Variants in ADGRL3 observed in about 807,000 individuals in gnomAD.
The protein encoded by ADGRL3 is adhesion G protein-coupled receptor L3, also known as calcium-independent alpha-latrotoxin receptor 3.
A neutral mutation model predicts 153.5 loss-of-function variants in ADGRL3; 62 were observed. The ratio of observed to expected loss-of-function variants is 0.40; its 90% CI spans 0.33 to 0.50. The LOEUF (loss-of-function observed/expected upper bound fraction) is 0.50. Among genes scored for constraint, ADGRL3 ranks in the 20% least tolerant of loss-of-function variants. The pLI, the probability that ADGRL3 is intolerant of heterozygous loss-of-function variation, is 0.47. For synonymous variants in ADGRL3, 710 were observed against 672.5 expected (o/e 1.06, Z -0.86); for missense variants, 1,641 against 1,859.4 (o/e 0.88, Z 2.16).
At chr4:61,672,893 G>C (rs900511626) in intron 5 of ADGRL3, among the ~76,000 whole-genome samples, 38 of 152,026 alleles carry the variant, frequency 2.5e-4, no homozygotes, top group African/African-American at 8.9e-4. Context: ...TTGCAGTACT[G>C]TTCACAATAA....
intron 1 of ADGRL3, among the ~76,000 whole-genome samples, chr4:61,258,814 C>G (rs2092250306): frequency 6.6e-6 from 1 of 152,096 alleles, no homozygotes; most frequent in Non-Finnish European, 1.5e-5. Flanking sequence ...AATCACTTCA[C>G]TCATATATAT....
chr4:61,600,884 A>G (rs575295329), intron 5 of ADGRL3, among the ~76,000 whole-genome samples: 2 of 152,304 alleles, frequency 1.3e-5, no homozygotes, highest in South Asian at 4.1e-4. Flanking sequence ...TTGCCCATTG[A>G]TATTTAATTA....
intron 1 of ADGRL3, among the ~76,000 whole-genome samples, chr4:61,230,107 G>A (rs1171483505): frequency 6.6e-6 from 1 of 152,036 alleles, no homozygotes; most frequent in Non-Finnish European, 1.5e-5. Flanking sequence ...AAGGGTGTCT[G>A]GAAAGCAAGT....
intron 2 of ADGRL3, among the ~76,000 whole-genome samples, chr4:61,393,264 G>C (rs896433571): frequency 2.0e-5 from 3 of 152,076 alleles, no homozygotes; most frequent in Non-Finnish European, 2.9e-5. Context: ...AGTATACTCT[G>C]TCAGAAGTCA....
chr4:62,068,271 A>T, intron 26 of ADGRL3, 88 bp downstream of exon 26: 2 of 1,214,920 alleles, frequency 1.6e-6, no homozygotes, highest in Non-Finnish European at 2.3e-6. Flanking sequence ...TGTAGTTATT[A>T]AAAACAGTTC....
At chr4:61,971,786 G>C (rs1433443642) in intron 17 of ADGRL3, among the ~76,000 whole-genome samples, 1 of 152,096 alleles carries the variant, frequency 6.6e-6, no homozygotes, top group Non-Finnish European at 1.5e-5. Context: ...AGTGTAAAAT[G>C]TTCCTATTTC....
intron 2 of ADGRL3, among the ~76,000 whole-genome samples, chr4:61,495,237 A>T (rs1283045669): frequency 6.6e-6 from 1 of 152,288 alleles, no homozygotes; most frequent in African/African-American, 2.4e-5. Flanking sequence ...ATATCAAAAC[A>T]TCTGATAAAT....
chr4:61,274,793 G>A (rs2093382314), intron 1 of ADGRL3, among the ~76,000 whole-genome samples: 1 of 152,060 alleles, frequency 6.6e-6, no homozygotes, highest in South Asian at 2.1e-4. Flanking sequence ...AAACTGCTTG[G>A]TGTGGTGGTG....
At chr4:61,771,446 A>G (rs1396980768) in intron 8 of ADGRL3, among the ~76,000 whole-genome samples, 1 of 152,204 alleles carries the variant, frequency 6.6e-6, no homozygotes, top group Non-Finnish European at 1.5e-5. Context: ...TTCCGACCAT[A>G]GAGTATTTTG....
intron 2 of ADGRL3, among the ~76,000 whole-genome samples, chr4:61,450,343 T>C (rs1235761872): frequency 6.6e-6 from 1 of 152,194 alleles, no homozygotes; most frequent in Non-Finnish European, 1.5e-5. Flanking sequence ...ATGGTGAAGG[T>C]CCTAATAATG....
intron 21 of ADGRL3, among the ~76,000 whole-genome samples, chr4:62,024,929 C>CAAA (rs34456988): frequency 2.3e-4 from 27 of 118,356 alleles, no homozygotes; most frequent in African/African-American, 6.0e-4. Flanking sequence ...GACTCCGTCT[C>CAAA]AAAAAAAAAA....
intron 1 of ADGRL3, among the ~76,000 whole-genome samples, chr4:61,268,508 A>T (rs2149735880): frequency 6.6e-6 from 1 of 151,568 alleles, no homozygotes; most frequent in East Asian, 1.9e-4. Context: ...TCAGCCATTT[A>T]TTTGAGGTAA....
At chr4:62,036,766 A>T (rs1200342107) in intron 23 of ADGRL3, among the ~76,000 whole-genome samples, 1 of 152,090 alleles carries the variant, frequency 6.6e-6, no homozygotes, top group Non-Finnish European at 1.5e-5. Flanking sequence ...GTTTATATAC[A>T]TGATGTTGTT....
intron 5 of ADGRL3, among the ~76,000 whole-genome samples, chr4:61,633,170 A>G (rs2093266290): frequency 6.6e-6 from 1 of 150,424 alleles, no homozygotes; most frequent in Admixed American, 6.7e-5. Context: ...TCTAATGCCA[A>G]TTTTTCTTAC....
At chr4:61,637,493 G>A (rs1047434985) in intron 5 of ADGRL3, among the ~76,000 whole-genome samples, 1 of 152,164 alleles carries the variant, frequency 6.6e-6, no homozygotes, top group Non-Finnish European at 1.5e-5. Context: ...GCCTGGCGTG[G>A]TGACTTACAC....
chr4:61,520,167 G>A (rs1417439551), intron 4 of ADGRL3, among the ~76,000 whole-genome samples: 2 of 152,126 alleles, frequency 1.3e-5, no homozygotes, highest in East Asian at 3.9e-4. Context: ...TTTAAAAATA[G>A]TTCTCCTAAG....
At chr4:61,582,040 G>A (rs1453330746) in intron 4 of ADGRL3, among the ~76,000 whole-genome samples, 1 of 151,900 alleles carries the variant, frequency 6.6e-6, no homozygotes, top group Non-Finnish European at 1.5e-5. Flanking sequence ...AAATATGAAG[G>A]GAAGGAAATA....
At chr4:61,740,285 G>A (rs1044885092) in intron 8 of ADGRL3, among the ~76,000 whole-genome samples, 9 of 152,100 alleles carry the variant, frequency 5.9e-5, no homozygotes, top group Admixed American at 5.2e-4. Flanking sequence ...CATTTAAAAT[G>A]TTCAAATAAT....
At chr4:61,891,396 A>G (rs1581328582) in intron 9 of ADGRL3, among the ~76,000 whole-genome samples, 1 of 152,184 alleles carries the variant, frequency 6.6e-6, no homozygotes, top group Admixed American at 6.6e-5. Context: ...AAAGAGAAGG[A>G]AAGTTGAGAA....
Sources: gnomAD v4.1 joint callset for allele counts (sites outside exome capture counted in the v4.1 genomes callset) on GRCh38, gnomAD v4.1.1 for gene constraint, MANE v1.5 for transcripts, NCBI Gene and HGNC (gene_info 2026-07-23, HGNC 2026-07-21) for gene names.